MAP4K3: variants seen among roughly 807,000 people sequenced by gnomAD.
The protein encoded by MAP4K3 is mitogen-activated protein kinase kinase kinase kinase 3.
A neutral mutation model predicts 143.5 loss-of-function variants in MAP4K3; 94 were observed. The observed-to-expected ratio is 0.65, with a 90% CI of 0.55 to 0.78. The LOEUF (loss-of-function observed/expected upper bound fraction) is 0.78. Ranked by LOEUF, MAP4K3 falls within the 30% of genes least tolerant of loss-of-function variation. The pLI, the probability that MAP4K3 is intolerant of heterozygous loss-of-function variation, is 0.00. For missense variants in MAP4K3, 1,077 were observed against 1,068.1 expected (o/e 1.01, Z -0.12); for synonymous variants, 416 against 347.2 (o/e 1.20, Z -2.20).
rs947360754 is a variant in MAP4K3 at position 39,337,246 on chromosome 2, G to A, written c.367-279C>T. Among the ~76,000 whole-genome samples, 6 of 152,202 alleles carry A rather than the reference G, an allele frequency of 3.9e-5. 1 individual carries two copies. The South Asian group carries it at 1.0e-3, about 26-fold the overall frequency. The stretch of plus-strand genomic sequence containing the variant: ...TCAGAGTGTTTGAATTCCCATGATA[G>A]TGCTTAATTTTCAAGCCTTTCTTTG... On this transcript the variant is annotated intron_variant, in intron 5 of 33. Transcript: ENST00000263881.
chr2:39,427,754 C>A (rs1265467566), intron 1 of MAP4K3, among the ~76,000 whole-genome samples: 2 of 152,114 alleles, frequency 1.3e-5, no homozygotes, highest in African/African-American at 4.8e-5. Context: ...TACCCAAGCA[C>A]GTTAGAGAAA....
intron 12 of MAP4K3, among the ~76,000 whole-genome samples, chr2:39,316,238 T>C (rs2148505918): frequency 6.6e-6 from 1 of 152,232 alleles, no homozygotes; most frequent in Non-Finnish European, 1.5e-5. Context: ...AAAGGAATAC[T>C]GGAAAACTTA....
At chr2:39,398,738 AATAATAATG>A (rs59204249) in intron 1 of MAP4K3, among the ~76,000 whole-genome samples, 9,188 of 144,652 alleles carry the variant, frequency 0.064, 390 homozygotes, top group Middle Eastern at 0.13. Flanking sequence ...TAATAATAAT[AATAATAATG>A]ATGATGATAA....
At chr2:39,353,219 T>C (rs1665508597) in intron 3 of MAP4K3, among the ~76,000 whole-genome samples, 1 of 152,204 alleles carries the variant, frequency 6.6e-6, no homozygotes, top group South Asian at 2.1e-4. Context: ...TATGACAACA[T>C]CTCTTAGCCC....
chr2:39,307,938 A>C lies in MAP4K3; in HGVS notation c.1119+5T>G. The C allele has an allele frequency of 6.5e-7, 1 of 1,538,066 alleles. No individual in the cohort carries two copies. The highest frequency in any genetic ancestry group is 8.8e-7 in the Non-Finnish European group (1 of 1,142,576). On this transcript the variant is annotated splice_donor_5th_base_variant and intron_variant, in intron 15 of 33. Transcript: ENST00000263881. ...TGACAAAGAAAATCAGAAGATGAGA[A>C]ATACCAGATTAGATCTTGCAGTGTA...
intron 13 of MAP4K3, among the ~76,000 whole-genome samples, chr2:39,310,439 C>T (rs550839778): frequency 1.3e-5 from 2 of 152,266 alleles, no homozygotes; most frequent in African/African-American, 4.8e-5. Context: ...TTTTTTATGA[C>T]TGAATAATAT....
At chr2:39,436,679 G>C (rs1043839374) in intron 1 of MAP4K3, 19 of 563,646 alleles carry the variant, frequency 3.4e-5, no homozygotes, top group African/African-American at 3.3e-4. Context: ...TGTCCACCGG[G>C]GGGGCTCAGG....
intron 33 of MAP4K3, among the ~76,000 whole-genome samples, chr2:39,251,387 T>A (rs1680151383): frequency 6.6e-6 from 1 of 152,222 alleles, no homozygotes; most frequent in East Asian, 1.9e-4. Flanking sequence ...TTCAGCTGCC[T>A]TCAGCCAAAT....
In MAP4K3 at chr2:39,437,088, C is replaced by G. The variant is rs924783645; in HGVS notation, c.-101G>C. ...GCGCCGCGGCCGGCTCCCGGCTCCC[C>G]CGGCGGTCACAATCACCCGGCTCCA... On this transcript the variant is annotated 5_prime_UTR_variant, in exon 1 of 34. Coordinates refer to ENST00000263881, the MANE Select transcript of MAP4K3 (RefSeq NM_003618.4). The G allele has an allele frequency of 4.8e-6, 4 of 833,094 alleles. No homozygotes were observed. The highest frequency in any genetic ancestry group is 3.7e-5 in the African/African-American group (2 of 54,030). 51.6% of individuals were successfully genotyped at this position (833,094 alleles called of 1,614,324 possible).
At chr2:39,340,398 T>G (rs920373815) in intron 4 of MAP4K3, among the ~76,000 whole-genome samples, 7 of 152,226 alleles carry the variant, frequency 4.6e-5, no homozygotes, top group Non-Finnish European at 1.0e-4. Context: ...CATAAGCATA[T>G]GAATCCCCAA....
rs1022856602 is a variant in MAP4K3 at position 39,426,570 on chromosome 2, G to GA, written c.96+10321dup. On this transcript the variant is annotated intron_variant, in intron 1 of 33. Coordinates refer to ENST00000263881, the MANE Select transcript of MAP4K3 (RefSeq NM_003618.4). ...CTGCAACTTACTCTCAAATGGTTCAGAAAAAAAAAATATGTATATATACAG... is the reference window on the plus strand; with the variant it reads ...CTGCAACTTACTCTCAAATGGTTCAGAAAAAAAAAAATATGTATATATACAG... Among the ~76,000 whole-genome samples the GA allele has an allele frequency of 1.3e-4, 19 of 148,150 alleles. 1 individual carries two copies. In the South Asian group the frequency reaches 1.9e-3, roughly 15 times the overall value.
chr2:39,403,484 AT>A (rs1405296306), intron 1 of MAP4K3, among the ~76,000 whole-genome samples: 1 of 152,126 alleles, frequency 6.6e-6, no homozygotes, highest in East Asian at 1.9e-4. Flanking sequence ...AAGCACAGTG[AT>A]TGTGAGACTT....
chr2:39,362,014 C>G (rs1471948759), intron 2 of MAP4K3, among the ~76,000 whole-genome samples: 2 of 152,004 alleles, frequency 1.3e-5, no homozygotes, highest in African/African-American at 2.4e-5. Flanking sequence ...ATGGTAAAGA[C>G]AGCAAGTACC....
At chr2:39,319,888 T>C (rs1296727677) in intron 12 of MAP4K3, among the ~76,000 whole-genome samples, 1 of 152,236 alleles carries the variant, frequency 6.6e-6, no homozygotes, top group Non-Finnish European at 1.5e-5. Flanking sequence ...AGCTAGTGTA[T>C]TCAAACATTT....
chr2:39,308,100 G>A, intron 14 of MAP4K3, 95 bp from the exon 15 acceptor site: 1 of 798,208 alleles, frequency 1.3e-6, no homozygotes, highest in Non-Finnish European at 2.0e-6. Context: ...AGTAAGTCCT[G>A]CTAATATAAT....
At chr2:39,400,596 C>CT (rs755354761) in intron 1 of MAP4K3, among the ~76,000 whole-genome samples, 3 of 151,352 alleles carry the variant, frequency 2.0e-5, no homozygotes, top group Non-Finnish European at 2.9e-5. Flanking sequence ...TTACTCTGCT[C>CT]TTTTTTTAAT....
chr2:39,413,456 TG>T (rs1334876838), intron 1 of MAP4K3, among the ~76,000 whole-genome samples: 1 of 152,046 alleles, frequency 6.6e-6, no homozygotes, highest in African/African-American at 2.4e-5. Context: ...GTACAGTCAG[TG>T]GTCAGATACT....
chr2:39,430,210 C>T lies in MAP4K3; in HGVS notation c.96+6682G>A, dbSNP rs550699092. Among the ~76,000 whole-genome samples the T allele has an allele frequency of 5.9e-5, 9 of 152,284 alleles. No homozygotes were observed. In the South Asian group the frequency reaches 1.0e-3, roughly 18 times the overall value. On this transcript the variant is annotated intron_variant, in intron 1 of 33. Transcript: ENST00000263881. The stretch of plus-strand genomic sequence containing the variant: ...GCATACAGGCGATGAAGAGGAGATT[C>T]TTTGAGCAAGGTAAGGTAGATGATC...
intron 2 of MAP4K3, among the ~76,000 whole-genome samples, chr2:39,367,554 G>T (rs1044494482): frequency 1.3e-5 from 2 of 151,410 alleles, no homozygotes; most frequent in South Asian, 2.1e-4. Context: ...AACAAAAAAA[G>T]AAAAGGAAAA....
Sources: allele counts gnomAD v4.1 joint callset (sites outside exome capture counted in the v4.1 genomes callset), GRCh38; gene constraint gnomAD v4.1.1; transcripts MANE v1.5; gene names NCBI Gene and HGNC (gene_info 2026-07-23, HGNC 2026-07-21).